The following PTPRK variants were observed in gnomAD, a reference collection of about 807,000 sequenced individuals.
PTPRK encodes receptor-type tyrosine-protein phosphatase kappa.
A neutral mutation model predicts 178.0 loss-of-function variants in PTPRK; 75 were observed. The observed-to-expected ratio is 0.42, with a 90% CI of 0.35 to 0.51. PTPRK has a LOEUF of 0.51. Ranked by LOEUF, PTPRK falls within the 20% of genes least tolerant of loss-of-function variation. The probability of loss-of-function intolerance (pLI) is 0.02; values close to 1 mark genes in which losing one functional copy is unlikely to be tolerated. For synonymous variants in PTPRK, 637 were observed against 620.6 expected (o/e 1.03, Z -0.39); for missense variants, 1,441 against 1,797.8 (o/e 0.80, Z 3.59).
chr6:128,302,582 T>G (rs967489725), intron 3 of PTPRK, among the ~76,000 whole-genome samples: 4 of 152,140 alleles, frequency 2.6e-5, no homozygotes, highest in Admixed American at 2.0e-4. Context: ...GTAAGATTTG[T>G]CAGTCTTACC....
chr6:128,312,586 T>C (rs1297863859), intron 3 of PTPRK, among the ~76,000 whole-genome samples: 1 of 152,184 alleles, frequency 6.6e-6, no homozygotes, highest in African/African-American at 2.4e-5. Flanking sequence ...CTCAGAAGAC[T>C]TTCTTCCCCT....
intron 7 of PTPRK, among the ~76,000 whole-genome samples, chr6:128,170,700 G>A (rs1562718277): frequency 6.6e-6 from 1 of 151,690 alleles, no homozygotes; most frequent in Non-Finnish European, 1.5e-5. Flanking sequence ...TAAAGAAGAA[G>A]AAATTAAAAC....
chr6:128,222,519 G>A (rs759698380), intron 5 of PTPRK, among the ~76,000 whole-genome samples: 2 of 152,044 alleles, frequency 1.3e-5, no homozygotes, highest in Non-Finnish European at 2.9e-5. Flanking sequence ...ACTCACTTTG[G>A]CCTCAGTGAT....
intron 6 of PTPRK, among the ~76,000 whole-genome samples, chr6:128,188,308 C>T (rs76413858): frequency 6.6e-6 from 1 of 152,040 alleles, no homozygotes; most frequent in African/African-American, 2.4e-5. Context: ...AAAATACTCC[C>T]ATTCAGTTAT....
intron 1 of PTPRK, among the ~76,000 whole-genome samples, chr6:128,461,738 C>T (rs919047130): frequency 6.6e-6 from 1 of 152,140 alleles, no homozygotes; most frequent in African/African-American, 2.4e-5. Context: ...AACCTAGTGC[C>T]TACTAGCAGT....
In PTPRK at chr6:128,082,447, G is replaced by A. The variant is rs534875794; in HGVS notation, c.1767C>T (p.Thr589=). Residue 589 remains threonine (T), a synonymous_variant, in exon 10 of 30, where the codon ACC becomes ACT. Coordinates refer to ENST00000368226, the MANE Select transcript of PTPRK (RefSeq NM_002844.4). ...TATTCATTTGCATACCTGAGATATT[G>A]GTGGTGACATTGATGGCTGTGGCTG... ...FGPATAINVT[T]NISAPTLPDY... The A allele has an allele frequency of 6.2e-7, 1 of 1,605,052 alleles. No homozygotes were observed.
chr6:128,192,430 T>G (rs1040573135), intron 6 of PTPRK, among the ~76,000 whole-genome samples: 3 of 152,162 alleles, frequency 2.0e-5, no homozygotes, highest in African/African-American at 7.2e-5. Context: ...TCCCAGTGTT[T>G]CTTTTAGCGC....
intron 1 of PTPRK, among the ~76,000 whole-genome samples, chr6:128,468,014 C>A (rs1298713985): frequency 6.6e-6 from 1 of 152,184 alleles, no homozygotes; most frequent in Admixed American, 6.5e-5. Context: ...ATCCAACTAC[C>A]TAATTGATTT....
chr6:128,151,635 T>C (rs1478067187), intron 7 of PTPRK, among the ~76,000 whole-genome samples: 1 of 151,986 alleles, frequency 6.6e-6, no homozygotes, highest in African/African-American at 2.4e-5. Context: ...AACATTCAAA[T>C]AAAGATTCTA....
At chr6:128,397,352 T>C (rs1277880260) in intron 2 of PTPRK, among the ~76,000 whole-genome samples, 1 of 152,142 alleles carries the variant, frequency 6.6e-6, no homozygotes. Flanking sequence ...AAAACACTAA[T>C]ACTTATCTTT....
At chr6:128,229,811 G>T (rs1306931404) in intron 5 of PTPRK, among the ~76,000 whole-genome samples, 2 of 152,196 alleles carry the variant, frequency 1.3e-5, no homozygotes, top group African/African-American at 4.8e-5. Flanking sequence ...AGTCATCTTT[G>T]CAGGATGATA....
intron 1 of PTPRK, among the ~76,000 whole-genome samples, chr6:128,503,359 T>G (rs1222455305): frequency 6.6e-6 from 1 of 152,250 alleles, no homozygotes; most frequent in Non-Finnish European, 1.5e-5. Context: ...ATTGATGGCC[T>G]GATCCGAGAA....
chr6:128,271,879 G>A (rs1470794347), intron 3 of PTPRK, among the ~76,000 whole-genome samples: 3 of 151,868 alleles, frequency 2.0e-5, no homozygotes, highest in African/African-American at 7.3e-5. Context: ...GAACTGAAAG[G>A]TTTATTGTGT....
chr6:128,297,400 A>AC lies in PTPRK; in HGVS notation c.495+24638dup, dbSNP rs1412428464. Among the ~76,000 whole-genome samples, 3 of 152,176 alleles carry AC rather than the reference A, an allele frequency of 2.0e-5. No individual in the cohort carries two copies. In the East Asian group the frequency reaches 5.8e-4, roughly 29 times the overall value. On this transcript the variant is annotated intron_variant, in intron 3 of 29. Transcript: ENST00000368226. ...CTAACAGACATCTACAGATCTCTCC[A>AC]CCCCAAATCAACAGAATATACATTT...
intron 13 of PTPRK, among the ~76,000 whole-genome samples, chr6:128,018,641 G>T (rs906498977): frequency 3.3e-5 from 5 of 152,002 alleles, no homozygotes; most frequent in African/African-American, 1.2e-4. Context: ...TTGACTCAAA[G>T]ATTAAATGTA....
intron 7 of PTPRK, among the ~76,000 whole-genome samples, chr6:128,171,079 T>C (rs1800178662): frequency 6.6e-6 from 1 of 151,876 alleles, no homozygotes; most frequent in Non-Finnish European, 1.5e-5. Context: ...ACAAAGGAAG[T>C]AGGATGAATC....
intron 2 of PTPRK, among the ~76,000 whole-genome samples, chr6:128,332,853 C>A (rs1375836025): frequency 6.6e-6 from 1 of 152,104 alleles, no homozygotes; most frequent in African/African-American, 2.4e-5. Flanking sequence ...TGCCTCAACG[C>A]CCACTCCAAG....
At chr6:128,388,306 G>T (rs972987781) in intron 2 of PTPRK, among the ~76,000 whole-genome samples, 2 of 152,116 alleles carry the variant, frequency 1.3e-5, no homozygotes, top group Non-Finnish European at 2.9e-5. Context: ...ATAGATTTTA[G>T]ACCTTTAAAG....
At chr6:128,370,157 TAAAAC>T (rs1184502828) in intron 2 of PTPRK, among the ~76,000 whole-genome samples, 2 of 152,026 alleles carry the variant, frequency 1.3e-5, no homozygotes, top group Non-Finnish European at 2.9e-5. Context: ...AAATAAGTAT[TAAAAC>T]AAAAAGTGGT....
Sources: gnomAD v4.1 joint callset for allele counts (sites outside exome capture counted in the v4.1 genomes callset) on GRCh38, gnomAD v4.1.1 for gene constraint, MANE v1.5 for transcripts, NCBI Gene and HGNC (gene_info 2026-07-23, HGNC 2026-07-21) for gene names.